The following PTK2 variants were observed in gnomAD, a reference collection of about 807,000 sequenced individuals.
The protein encoded by PTK2 is focal adhesion kinase 1.
PTK2 carries 45 observed loss-of-function variants against 150.1 expected under a neutral mutation model. The ratio of observed to expected loss-of-function variants is 0.30; its 90% CI spans 0.24 to 0.38. The LOEUF is 0.38. PTK2 is among the 10% of genes least tolerant of loss of function. The pLI is 1.00. For missense variants in PTK2, 919 were observed against 1,307.3 expected, an observed-to-expected ratio of 0.70 and a Z score of 4.58; for synonymous variants, 432 against 449.2, an observed-to-expected ratio of 0.96 and a Z score of 0.48.
At chr8:140,799,020 T>C (rs560154851) in intron 12 of PTK2, among the ~76,000 whole-genome samples, 3 of 152,338 alleles carry the variant, frequency 2.0e-5, no homozygotes, top group Non-Finnish European at 2.9e-5. Context: ...AATAGGCTTA[T>C]TGGTGTGATC....
intron 1 of PTK2, among the ~76,000 whole-genome samples, chr8:140,968,509 A>T (rs2100186107): frequency 6.6e-6 from 1 of 152,238 alleles, no homozygotes; most frequent in Non-Finnish European, 1.5e-5. Context: ...CAGATTAGAG[A>T]GTTTAAGGAG....
At position 140,690,179 on chromosome 8, in the gene PTK2, C is replaced by CCGT. The variant is rs547995722; in HGVS notation, c.2500-3486_2500-3485insACG. ...GGGTTAGCCAGGATGGTCTCGATCA[C>CCGT]CTGACCTCATGATCTGCCCGCCTCG... On this transcript the variant is annotated intron_variant, in intron 26 of 31. Transcript: ENST00000522684. Among the ~76,000 whole-genome samples, 748 of 152,138 alleles carry CCGT rather than the reference C, an allele frequency of 4.9e-3. 4 individuals carry two copies. The highest frequency in any genetic ancestry group is 0.017 in the African/African-American group (718 of 41,512).
At chr8:140,814,689 A>G (rs2154601367) in intron 10 of PTK2, among the ~76,000 whole-genome samples, 1 of 152,320 alleles carries the variant, frequency 6.6e-6, no homozygotes, top group African/African-American at 2.4e-5. Flanking sequence ...AAGACAGTGT[A>G]GCAATTCCTC....
intron 2 of PTK2, among the ~76,000 whole-genome samples, chr8:140,910,913 T>C (rs1454626496): frequency 2.0e-5 from 3 of 152,194 alleles, no homozygotes; most frequent in African/African-American, 7.2e-5. Flanking sequence ...GGTCTTGCTC[T>C]GTCGCCCAGG....
intron 5 of PTK2, among the ~76,000 whole-genome samples, chr8:140,861,788 C>T (rs1020198638): frequency 2.0e-5 from 3 of 152,162 alleles, no homozygotes; most frequent in Non-Finnish European, 4.4e-5. Context: ...AACAAGCACA[C>T]GACTGTATTC....
At chr8:140,850,977 T>C (rs896701208) in intron 5 of PTK2, among the ~76,000 whole-genome samples, 10 of 152,250 alleles carry the variant, frequency 6.6e-5, no homozygotes, top group African/African-American at 2.2e-4. Flanking sequence ...GTGGTCTCTT[T>C]TGAATATTCT....
rs147813773 is a variant in PTK2, at chr8:140,917,659, A to T, written c.-33+8002T>A. On this transcript the variant is annotated intron_variant, in intron 2 of 31. Coordinates refer to ENST00000522684, the Ensembl canonical transcript of PTK2. ...TTTTAGCTCTGAAAGAGCCTTTTAA[A>T]ATCAAATCTAACCCTACAAAGAATT... Among the ~76,000 whole-genome samples the T allele has an allele frequency of 6.1e-3, 922 of 152,330 alleles. 9 individuals are homozygous for T. Among genetic ancestry groups the T allele is most frequent in the African/African-American group, 0.021 (879 of 41,572 alleles).
chr8:140,953,819 T>C (rs1176228907), intron 1 of PTK2, among the ~76,000 whole-genome samples: 1 of 152,176 alleles, frequency 6.6e-6, no homozygotes, highest in Non-Finnish European at 1.5e-5. Context: ...GGACTCTTGC[T>C]CTGTCACTCA....
At chr8:140,856,429 GGATA>G (rs1313101204) in intron 5 of PTK2, among the ~76,000 whole-genome samples, 2 of 151,982 alleles carry the variant, frequency 1.3e-5, no homozygotes, top group Non-Finnish European at 2.9e-5. Flanking sequence ...ACAGAAAAAT[GGATA>G]AATACACTAC....
chr8:140,850,613 C>A (rs1482869784), intron 5 of PTK2, among the ~76,000 whole-genome samples: 2 of 151,630 alleles, frequency 1.3e-5, no homozygotes, highest in African/African-American at 4.8e-5. Flanking sequence ...ACCTGTAGTC[C>A]CAGCTACTTG....
chr8:140,759,544 A>AAAAG (rs1319296580), intron 16 of PTK2, among the ~76,000 whole-genome samples: 1 of 150,328 alleles, frequency 6.7e-6, no homozygotes, highest in African/African-American at 2.5e-5. Context: ...AAAAAAAAAA[A>AAAAG]AAAAAAAAAA....
At chr8:140,881,798 C>T (rs1396673430) in intron 3 of PTK2, among the ~76,000 whole-genome samples, 3 of 152,236 alleles carry the variant, frequency 2.0e-5, no homozygotes, top group Admixed American at 6.5e-5. Context: ...AGGAGACCTG[C>T]AGCAAACCAG....
intron 1 of PTK2, among the ~76,000 whole-genome samples, chr8:140,933,925 A>T (rs1404456958): frequency 6.6e-6 from 1 of 152,130 alleles, no homozygotes; most frequent in African/African-American, 2.4e-5. Flanking sequence ...ACAAAGATTA[A>T]AGTGCCACAC....
At chr8:140,738,592 A>G (rs1302755446) in intron 21 of PTK2, among the ~76,000 whole-genome samples, 1 of 152,234 alleles carries the variant, frequency 6.6e-6, no homozygotes, top group Non-Finnish European at 1.5e-5. Flanking sequence ...GCTGGACTCC[A>G]GAATAAAGAG....
intron 1 of PTK2, among the ~76,000 whole-genome samples, chr8:140,953,663 A>G (rs1183794778): frequency 6.6e-6 from 1 of 152,230 alleles, no homozygotes; most frequent in East Asian, 1.9e-4. Flanking sequence ...TGCAGCTAAC[A>G]TTGGGTAACT....
chr8:140,781,294 A>G (rs1266100537), intron 14 of PTK2, among the ~76,000 whole-genome samples: 1 of 152,212 alleles, frequency 6.6e-6, no homozygotes, highest in Non-Finnish European at 1.5e-5. Flanking sequence ...TTTTAATAAT[A>G]TATTTTTTTA....
At chr8:140,681,475 G>A (rs940098774) in intron 27 of PTK2, among the ~76,000 whole-genome samples, 1 of 151,782 alleles carries the variant, frequency 6.6e-6, no homozygotes, top group African/African-American at 2.4e-5. Context: ...AGAAACTAAT[G>A]TGTAACAAGC....
At chr8:140,862,666 G>A (rs2100136926) in intron 5 of PTK2, among the ~76,000 whole-genome samples, 1 of 152,152 alleles carries the variant, frequency 6.6e-6, no homozygotes, top group Admixed American at 6.6e-5. Context: ...GAGCATTACC[G>A]CCTGAGCTCT....
At chr8:140,741,670 ATTAG>A (rs1360556146) in intron 20 of PTK2, among the ~76,000 whole-genome samples, 4 of 152,196 alleles carry the variant, frequency 2.6e-5, no homozygotes, top group Non-Finnish European at 5.9e-5. Context: ...GGTAGTCATA[ATTAG>A]TAGTATTAAT....
Sources: allele counts gnomAD v4.1 joint callset (sites outside exome capture counted in the v4.1 genomes callset), GRCh38; gene constraint gnomAD v4.1.1; transcripts MANE v1.5; gene names NCBI Gene and HGNC (gene_info 2026-07-23, HGNC 2026-07-21).